The following ALK variants were observed in gnomAD, a reference collection of about 807,000 sequenced individuals.
The protein encoded by ALK is ALK tyrosine kinase receptor.
A neutral mutation model predicts 163.1 loss-of-function variants in ALK; 74 were observed. The observed-to-expected ratio is 0.45, with a 90% CI of 0.38 to 0.55. The LOEUF (loss-of-function observed/expected upper bound fraction) is 0.55. Among genes scored for constraint, ALK ranks in the 20% least tolerant of loss-of-function variants. The probability of loss-of-function intolerance (pLI) is 0.00; values close to 1 mark genes in which losing one functional copy is unlikely to be tolerated. For synonymous variants in ALK, 960 were observed against 843.2 expected (o/e 1.14, Z -2.40); for missense variants, 2,063 against 2,105.3 (o/e 0.98, Z 0.39).
chr2:29,268,398 A>G (rs1248216767), intron 11 of ALK, among the ~76,000 whole-genome samples: 1 of 152,222 alleles, frequency 6.6e-6, no homozygotes, highest in Non-Finnish European at 1.5e-5. Flanking sequence ...GATCAGAATC[A>G]GAAGTCTCTC....
At chr2:29,499,822 C>G (rs6725652) in intron 4 of ALK, among the ~76,000 whole-genome samples, 151,653 of 152,156 alleles carry the variant, frequency 1, 75,578 homozygotes, top group Non-Finnish European at 1. Context: ...AGCCATAGAT[C>G]TGACTCCAGC....
intron 23 of ALK, among the ~76,000 whole-genome samples, chr2:29,218,841 C>T (rs1669708628): frequency 6.6e-6 from 1 of 152,240 alleles, no homozygotes; most frequent in Non-Finnish European, 1.5e-5. Context: ...AAGGCTCTGC[C>T]TTCCTAGGTG....
chr2:29,532,685 C>A (rs774245755), intron 3 of ALK, among the ~76,000 whole-genome samples: 2 of 152,202 alleles, frequency 1.3e-5, no homozygotes, highest in African/African-American at 2.4e-5. Flanking sequence ...CTGGAGCAAG[C>A]CAATCTTGAT....
chr2:29,242,030 T>C (rs1003643011), intron 12 of ALK, among the ~76,000 whole-genome samples: 1 of 152,096 alleles, frequency 6.6e-6, no homozygotes, highest in Non-Finnish European at 1.5e-5. Flanking sequence ...TCCCTCCTGA[T>C]CCATGAGAAA....
At chr2:29,897,595 G>A (rs1381978187) in intron 1 of ALK, among the ~76,000 whole-genome samples, 1 of 152,178 alleles carries the variant, frequency 6.6e-6, no homozygotes. Context: ...CCAGTCAGCA[G>A]TGTGGCACTG....
At chr2:29,873,842 G>A (rs564292375) in intron 1 of ALK, among the ~76,000 whole-genome samples, 20 of 151,392 alleles carry the variant, frequency 1.3e-4, no homozygotes, top group Non-Finnish European at 4.4e-5. Flanking sequence ...AGCAATAACC[G>A]CCTGATAATC....
intron 4 of ALK, among the ~76,000 whole-genome samples, chr2:29,391,568 C>T (rs1669173269): frequency 6.6e-6 from 1 of 152,062 alleles, no homozygotes; most frequent in Non-Finnish European, 1.5e-5. Context: ...CCCAAAGTGC[C>T]TCCTTTGGGG....
intron 1 of ALK, among the ~76,000 whole-genome samples, chr2:29,761,613 G>A (rs1680702461): frequency 6.6e-6 from 1 of 152,206 alleles, no homozygotes; most frequent in Non-Finnish European, 1.5e-5. Flanking sequence ...AGAATGCAGA[G>A]CTGCTCTCCT....
intron 11 of ALK, among the ~76,000 whole-genome samples, chr2:29,274,415 T>C (rs1665474231): frequency 6.6e-6 from 1 of 152,258 alleles, no homozygotes; most frequent in Non-Finnish European, 1.5e-5. Flanking sequence ...CAGGCACCAG[T>C]GCCTGCCTGG....
intron 4 of ALK, among the ~76,000 whole-genome samples, chr2:29,465,430 A>G (rs1671186824): frequency 6.6e-6 from 1 of 152,220 alleles, no homozygotes; most frequent in Non-Finnish European, 1.5e-5. Context: ...ATGGTGGCTC[A>G]TGCTTATAAT....
Position 29,227,036 on chromosome 2 carries a change from GATA to G in ALK, c.2950_2952del (p.Tyr984del). The G allele has an allele frequency of 6.2e-7, 1 of 1,614,160 alleles. No individual in the cohort carries two copies. The highest frequency in any genetic ancestry group is 8.5e-7 in the Non-Finnish European group (1 of 1,180,044). Reference sequence around the variant, plus strand: ...TCTACCTCACAGTGACTGCAGTTTAGATAATGCTTAATATTCACTTCCCCGTGG... The same window carrying G: ...TCTACCTCACAGTGACTGCAGTTTAGATGCTTAATATTCACTTCCCCGTGG... On this transcript the variant is annotated inframe_deletion, in exon 18 of 29. Transcript: ENST00000389048. The surrounding 1 kb of genome is among the most constrained non-coding windows in gnomAD (Gnocchi z 4.4).
Position 29,320,889 on chromosome 2 carries a change from A to G in ALK, c.1415-7T>C. The G allele has an allele frequency of 6.2e-7, 1 of 1,614,186 alleles. No homozygotes were observed. The highest frequency in any genetic ancestry group is 8.5e-7 in the Non-Finnish European group (1 of 1,180,016). ...AAACCCACAGGCAGTTTCCCTATGG[A>G]GAGAGCAGAGAGGCACCATCATTTT... On this transcript the variant is annotated splice_region_variant and splice_polypyrimidine_tract_variant and intron_variant, in intron 6 of 28. Transcript: ENST00000389048.
chr2:29,803,545 C>T (rs1331329724), intron 1 of ALK, among the ~76,000 whole-genome samples: 4 of 152,180 alleles, frequency 2.6e-5, no homozygotes, highest in Non-Finnish European at 4.4e-5. Context: ...AGAAAAATAA[C>T]ATTGGGCTGT....
chr2:29,442,719 T>C (rs1440892982), intron 4 of ALK, among the ~76,000 whole-genome samples: 8 of 152,212 alleles, frequency 5.3e-5, no homozygotes, highest in Non-Finnish European at 1.0e-4. Flanking sequence ...AAAAACCTTA[T>C]GCTTAACAGT....
At chr2:29,231,976 C>T (rs1210271702) in intron 15 of ALK, among the ~76,000 whole-genome samples, 4 of 152,200 alleles carry the variant, frequency 2.6e-5, no homozygotes, top group African/African-American at 4.8e-5. Flanking sequence ...CATATCCTAA[C>T]TGGGGGGCCC....
intron 3 of ALK, among the ~76,000 whole-genome samples, chr2:29,636,697 C>A (rs1321282043): frequency 1.3e-5 from 2 of 152,106 alleles, no homozygotes; most frequent in East Asian, 3.8e-4. Context: ...ACAAACCACA[C>A]TTCTGAGAAA....
chr2:29,863,868 T>A (rs182225675), intron 1 of ALK, among the ~76,000 whole-genome samples: 1 of 152,298 alleles, frequency 6.6e-6, no homozygotes, highest in East Asian at 1.9e-4. Flanking sequence ...TACTCTTTCA[T>A]AAGTCAGACC....
At chr2:29,796,061 A>T (rs1253509633) in intron 1 of ALK, among the ~76,000 whole-genome samples, 1 of 152,172 alleles carries the variant, frequency 6.6e-6, no homozygotes, top group Non-Finnish European at 1.5e-5. Flanking sequence ...TGTAGGCCTG[A>T]GTTTTCTCTT....
At chr2:29,908,212 A>T (rs2148435680) in intron 1 of ALK, among the ~76,000 whole-genome samples, 1 of 152,154 alleles carries the variant, frequency 6.6e-6, no homozygotes, top group African/African-American at 2.4e-5. Context: ...AGCCAGGCTA[A>T]CCTCTAGTTC....
Sources: allele counts gnomAD v4.1 joint callset (sites outside exome capture counted in the v4.1 genomes callset), GRCh38; gene constraint gnomAD v4.1.1; non-coding constraint Gnocchi (gnomAD v3.1); transcripts MANE v1.5; gene names NCBI Gene and HGNC (gene_info 2026-07-23, HGNC 2026-07-21).